The following CMSS1 variants were observed in gnomAD, a reference collection of about 807,000 sequenced individuals.
CMSS1 encodes protein CMSS1.
CMSS1 carries 33 observed loss-of-function variants against 43.5 expected under a neutral mutation model. That is an observed-to-expected ratio of 0.76 (90% CI 0.57 to 1.01). The LOEUF (loss-of-function observed/expected upper bound fraction) is 1.01. CMSS1 is among the 50% of genes least tolerant of loss of function. CMSS1 has a pLI of 0.00. For synonymous variants in CMSS1, 115 were observed against 117.2 expected (o/e 0.98, Z 0.12); for missense variants, 313 against 326.4 (o/e 0.96, Z 0.32).
chr3:100,136,594 A>G (rs1441977818), intron 1 of CMSS1, among the ~76,000 whole-genome samples: 1 of 152,184 alleles, frequency 6.6e-6, no homozygotes, highest in Non-Finnish European at 1.5e-5. Flanking sequence ...TGCTTGCTAC[A>G]TTATCCCCTA....
intron 1 of CMSS1, among the ~76,000 whole-genome samples, chr3:100,100,952 T>C (rs1464611044): frequency 6.6e-6 from 1 of 152,086 alleles, no homozygotes; most frequent in Non-Finnish European, 1.5e-5. Flanking sequence ...TAGTGGTCAG[T>C]TTTTTAGCCC....
chr3:99,897,930 G>A (rs72934471), intron 1 of CMSS1, among the ~76,000 whole-genome samples: 172 of 152,212 alleles, frequency 1.1e-3, no homozygotes, highest in Non-Finnish European at 1.7e-3. Flanking sequence ...CATGTTTCTC[G>A]TCACCATGAA....
At chr3:100,075,429 G>A (rs2065834729) in intron 1 of CMSS1, 1 of 152,146 alleles carries the variant, frequency 6.6e-6, no homozygotes, top group African/African-American at 2.4e-5. Flanking sequence ...GAAGCTTAGA[G>A]GTTAGGAAGA....
chr3:100,097,576 A>G (rs980622947), intron 1 of CMSS1, among the ~76,000 whole-genome samples: 1 of 152,154 alleles, frequency 6.6e-6, no homozygotes, highest in Non-Finnish European at 1.5e-5. Context: ...ATACAAGCCT[A>G]TATATATACA....
At chr3:100,021,993 G>GAGAT (rs2064834013) in intron 1 of CMSS1, among the ~76,000 whole-genome samples, 1 of 146,560 alleles carries the variant, frequency 6.8e-6, no homozygotes, top group Admixed American at 6.8e-5. Context: ...GAGAGAGAGA[G>GAGAT]ATATGAGGGG....
At chr3:99,964,795 A>C (rs1708597302) in intron 1 of CMSS1, among the ~76,000 whole-genome samples, 1 of 152,126 alleles carries the variant, frequency 6.6e-6, no homozygotes, top group Non-Finnish European at 1.5e-5. Context: ...CAGGCTACCC[A>C]AGGGGGATCA....
intron 1 of CMSS1, among the ~76,000 whole-genome samples, chr3:99,838,414 C>A (rs1942985403): frequency 6.6e-6 from 1 of 152,162 alleles, no homozygotes; most frequent in African/African-American, 2.4e-5. Flanking sequence ...GATACAGACC[C>A]TTCAGTGTGG....
At chr3:99,881,060 T>C (rs752181612) in intron 1 of CMSS1, among the ~76,000 whole-genome samples, 1 of 152,136 alleles carries the variant, frequency 6.6e-6, no homozygotes, top group Non-Finnish European at 1.5e-5. Flanking sequence ...GCCACGGTCT[T>C]GTTCCTCATC....
In CMSS1 at chr3:99,850,385, C is replaced by G; in HGVS notation, c.64+32342C>G. On this transcript the variant is annotated intron_variant, in intron 1 of 9. Coordinates refer to ENST00000421999, the MANE Select transcript of CMSS1 (RefSeq NM_032359.4). ...TGTTTGCTTTTGTTGAAAGCGTCTT[C>G]TAACTTTTCCAGAGCCATAATTCTT... 1 of 1,613,394 alleles carries G rather than the reference C, an allele frequency of 6.2e-7. No homozygotes were observed. The highest frequency in any genetic ancestry group is 8.5e-7 in the Non-Finnish European group (1 of 1,179,890).
chr3:99,885,423 C>T (rs1358106245), intron 1 of CMSS1, among the ~76,000 whole-genome samples: 1 of 152,094 alleles, frequency 6.6e-6, no homozygotes. Context: ...AGACTATGCC[C>T]CTTAGAGTTA....
chr3:100,175,180 T>G (rs1333816083), intron 8 of CMSS1, among the ~76,000 whole-genome samples: 1 of 152,348 alleles, frequency 6.6e-6, no homozygotes, highest in African/African-American at 2.4e-5. Context: ...CTATTATAAA[T>G]AATGTGGCAA....
chr3:99,966,073 G>A (rs1189672949), intron 1 of CMSS1, among the ~76,000 whole-genome samples: 1 of 152,176 alleles, frequency 6.6e-6, no homozygotes, highest in Non-Finnish European at 1.5e-5. Flanking sequence ...CAGCACAACA[G>A]TGTTGTAACA....
At position 100,033,097 on chromosome 3, in the gene CMSS1, A is replaced by G. The variant is rs182480499; in HGVS notation, c.65-113876A>G. 7.4e-4 allele frequency among the ~76,000 whole-genome samples: 113 copies of G among 152,336 alleles called. 1 individual carries two copies. Among genetic ancestry groups the G allele is most frequent in the Admixed American group, 7.1e-3 (109 of 15,298 alleles). On this transcript the variant is annotated intron_variant, in intron 1 of 9. Coordinates refer to ENST00000421999, the MANE Select transcript of CMSS1 (RefSeq NM_032359.4). ...AAAGAATTCAGGAAAACTATCTTCA[A>G]CTATATTGCTGGATAGCATTACTTT... is the stretch of plus-strand genomic sequence containing the variant.
intron 1 of CMSS1, among the ~76,000 whole-genome samples, chr3:100,032,141 T>G (rs397875587): frequency 6.6e-6 from 1 of 152,144 alleles, no homozygotes; most frequent in Non-Finnish European, 1.5e-5. Flanking sequence ...TGAGGAAGAT[T>G]GTAGGTGTTA....
chr3:100,070,369 T>A (rs370160614), intron 1 of CMSS1, among the ~76,000 whole-genome samples: 106 of 152,354 alleles, frequency 7.0e-4, no homozygotes, highest in Middle Eastern at 6.8e-3. Flanking sequence ...TCTCTTCTAA[T>A]TAATGAAATT....
At chr3:100,095,609 A>G (rs1461526827) in intron 1 of CMSS1, among the ~76,000 whole-genome samples, 1 of 152,170 alleles carries the variant, frequency 6.6e-6, no homozygotes, top group African/African-American at 2.4e-5. Flanking sequence ...GCCTAATACA[A>G]AAATTAAACC....
intron 1 of CMSS1, among the ~76,000 whole-genome samples, chr3:99,979,031 G>T (rs1416065561): frequency 5.3e-5 from 8 of 152,110 alleles, no homozygotes; most frequent in Non-Finnish European, 1.0e-4. Flanking sequence ...TGGCACTGTA[G>T]GGCGACTAGA....
chr3:99,928,126 T>C (rs1412018957), intron 1 of CMSS1, among the ~76,000 whole-genome samples: 2 of 152,234 alleles, frequency 1.3e-5, no homozygotes, highest in Non-Finnish European at 2.9e-5. Context: ...CTTATTCTCA[T>C]GTAATTAGGA....
chr3:99,845,854 C>T (rs1943341125), intron 1 of CMSS1, among the ~76,000 whole-genome samples: 1 of 152,138 alleles, frequency 6.6e-6, no homozygotes. Context: ...AAGGAATCCT[C>T]CCAGTAGAGG....
Sources: gnomAD v4.1 joint callset for allele counts (sites outside exome capture counted in the v4.1 genomes callset) on GRCh38, gnomAD v4.1.1 for gene constraint, MANE v1.5 for transcripts, NCBI Gene and HGNC (gene_info 2026-07-23, HGNC 2026-07-21) for gene names.